PARK7: variants seen among roughly 807,000 people sequenced by gnomAD.
The protein encoded by PARK7 is Parkinson disease protein 7.
Under a neutral mutation model 20.5 loss-of-function variants are expected in PARK7, and 14 were observed. The ratio of observed to expected loss-of-function variants is 0.68; its 90% CI spans 0.45 to 1.07. The LOEUF (loss-of-function observed/expected upper bound fraction) is 1.07, where lower values mean the gene tolerates loss of function less well. Among genes scored for constraint, PARK7 ranks in the 50% least tolerant of loss-of-function variants. The pLI is 0.00. For missense variants in PARK7, 234 were observed against 238.1 expected, an observed-to-expected ratio of 0.98 and a Z score of 0.11; for synonymous variants, 98 against 84.3, an observed-to-expected ratio of 1.16 and a Z score of -0.89.
chr1:7,976,681 A>G (rs1640589785), intron 5 of PARK7, among the ~76,000 whole-genome samples: 1 of 152,150 alleles, frequency 6.6e-6, no homozygotes, highest in Non-Finnish European at 1.5e-5. Context: ...ACTTGGGTGG[A>G]TAGGTGGATG....
At chr1:7,978,955 G>T (rs1463730345) in intron 6 of PARK7, among the ~76,000 whole-genome samples, 3 of 149,958 alleles carry the variant, frequency 2.0e-5, no homozygotes, top group Admixed American at 1.3e-4. Flanking sequence ...GTATTGTTCT[G>T]CAGCTTGCTT....
intron 5 of PARK7, among the ~76,000 whole-genome samples, chr1:7,976,540 C>T (rs1223398502): frequency 1.3e-5 from 2 of 152,114 alleles, no homozygotes; most frequent in African/African-American, 4.8e-5. Flanking sequence ...CTGACACTTC[C>T]ATGTGGTTCT....
chr1:7,978,228 CCT>C (rs1640628904), intron 6 of PARK7, among the ~76,000 whole-genome samples: 1 of 151,468 alleles, frequency 6.6e-6, no homozygotes, highest in Non-Finnish European at 1.5e-5. Context: ...GAACTTCTGA[CCT>C]TGTGATCCAC....
Position 7,977,736 on chromosome 1 carries a change from G to A in PARK7, c.407G>A (p.Gly136Glu), listed in dbSNP as rs1334733131. 1.2e-6 allele frequency: 2 copies of A among 1,613,274 alleles called. No individual in the cohort carries two copies. The highest frequency in any genetic ancestry group is 1.7e-5 in the Admixed American group (1 of 59,990). Residue 136 changes from glycine (G) to glutamate (E), a missense_variant and splice_region_variant, in exon 6 of 7, where the codon GGA becomes GAA. Coordinates refer to ENST00000338639, the MANE Select transcript of PARK7 (RefSeq NM_007262.5). Reference sequence around the variant, plus strand: ...CTTGCTAAAGACAAAATGATGAATGGAGGTAAGTATATGCTTGTTTTTGTT... The same window carrying A: ...CTTGCTAAAGACAAAATGATGAATGAAGGTAAGTATATGCTTGTTTTTGTT... Reference protein sequence around the residue: ...HPLAKDKMMNGGHYTYSENRV... With the variant: ...HPLAKDKMMNEGHYTYSENRV...
chr1:7,969,331 T>G lies in PARK7; in HGVS notation c.193-14T>G, dbSNP rs772769900. On this transcript the variant is annotated splice_polypyrimidine_tract_variant and intron_variant, in intron 3 of 6. Transcript: ENST00000338639. ...GAAATGTTTTTGTTTTCTTTATGTT[T>G]TAAACTGTTACAGGGACCATATGAT... The G allele has an allele frequency of 2.5e-6, 4 of 1,607,114 alleles. No individual in the cohort carries two copies. Among genetic ancestry groups the G allele is most frequent in the Non-Finnish European group, 3.4e-6 (4 of 1,175,884 alleles).
chr1:7,970,248 T>C (rs1359311837), intron 4 of PARK7, among the ~76,000 whole-genome samples: 4 of 152,182 alleles, frequency 2.6e-5, no homozygotes, highest in African/African-American at 7.2e-5. Flanking sequence ...GGGACCGTTA[T>C]GAACAGATGT....
At chr1:7,980,338 G>A (rs1236174359) in intron 6 of PARK7, among the ~76,000 whole-genome samples, 1 of 152,110 alleles carries the variant, frequency 6.6e-6, no homozygotes, top group Non-Finnish European at 1.5e-5. Context: ...AGCGGAGCGC[G>A]CTCCTGCACT....
chr1:7,973,343 T>A (rs1165116739), intron 5 of PARK7, among the ~76,000 whole-genome samples: 1 of 152,216 alleles, frequency 6.6e-6, no homozygotes, highest in Non-Finnish European at 1.5e-5. Context: ...TGAGTTTGGT[T>A]TTCTTTGGCT....
At chr1:7,977,318 G>C (rs1016429230) in intron 5 of PARK7, among the ~76,000 whole-genome samples, 3 of 152,198 alleles carry the variant, frequency 2.0e-5, no homozygotes, top group Non-Finnish European at 4.4e-5. Context: ...TTGAGTTTCT[G>C]TGCTTTTGCC....
intron 6 of PARK7, among the ~76,000 whole-genome samples, chr1:7,979,225 G>A (rs1640660309): frequency 6.6e-6 from 1 of 152,158 alleles, no homozygotes; most frequent in Admixed American, 6.6e-5. Flanking sequence ...TATACTGCAT[G>A]TTTTTTAATT....
Sources: gnomAD v4.1 joint callset for allele counts (sites outside exome capture counted in the v4.1 genomes callset) on GRCh38, gnomAD v4.1.1 for gene constraint, MANE v1.5 for transcripts, NCBI Gene and HGNC (gene_info 2026-07-23, HGNC 2026-07-21) for gene names.